ASB5: variants seen among roughly 807,000 people sequenced by gnomAD.
The protein encoded by ASB5 is ankyrin repeat and SOCS box containing 5.
A neutral mutation model predicts 42.1 loss-of-function variants in ASB5; 45 were observed. That is an observed-to-expected ratio of 1.07 (90% CI 0.84 to 1.37). ASB5 has a LOEUF of 1.37. ASB5 is among the 40% of genes most tolerant of loss of function. The pLI is 0.00. For missense variants in ASB5, 402 were observed against 399.8 expected, an observed-to-expected ratio of 1.01 and a Z score of -0.05; for synonymous variants, 147 against 150.6, an observed-to-expected ratio of 0.98 and a Z score of 0.18.
At chr4:176,241,167 G>A (rs892729500) in intron 1 of ASB5, among the ~76,000 whole-genome samples, 1 of 151,972 alleles carries the variant, frequency 6.6e-6, no homozygotes, top group African/African-American at 2.4e-5. Context: ...CGCAAAAACA[G>A]CAATACTATA....
chr4:176,224,488 G>A (rs541485830), intron 2 of ASB5, among the ~76,000 whole-genome samples: 4 of 151,672 alleles, frequency 2.6e-5, no homozygotes, highest in Non-Finnish European at 5.9e-5. Flanking sequence ...ACATGCCTCC[G>A]CCTCCCAAAG....
At position 176,215,296 on chromosome 4, in the gene ASB5, T is replaced by C. The variant is rs1023283136; in HGVS notation, c.*304A>G. Reference sequence around the variant, plus strand: ...AATATGAATAACTTTACTAGGAGCTTTATTTCTTTCCAATCCAAAAGAAAA... The same window carrying C: ...AATATGAATAACTTTACTAGGAGCTCTATTTCTTTCCAATCCAAAAGAAAA... On this transcript the variant is annotated 3_prime_UTR_variant, in exon 7 of 7. Coordinates refer to ENST00000296525, the MANE Select transcript of ASB5 (RefSeq NM_080874.4). The C allele has an allele frequency of 5.4e-6, 1 of 184,200 alleles. No homozygotes were observed. The highest frequency in any genetic ancestry group is 2.3e-5 in the African/African-American group (1 of 42,624). The allele number at this position is 184,200 out of a possible 1,614,324, so 11.4% of individuals were successfully genotyped here.
At chr4:176,222,163 A>G in intron 3 of ASB5, 150 bp downstream of exon 3, 1 of 694,232 alleles carries the variant, frequency 1.4e-6, no homozygotes, top group Non-Finnish European at 2.4e-6. Flanking sequence ...TTAGAGTGCA[A>G]TAAGAAGACT....
At position 176,269,028 on chromosome 4, in the gene ASB5, A is replaced by T; in HGVS notation, c.81T>A (p.Phe27Leu). 1 of 1,613,708 alleles carries T rather than the reference A, an allele frequency of 6.2e-7. No individual in the cohort carries two copies. Among genetic ancestry groups the T allele is most frequent in the Non-Finnish European group, 8.5e-7 (1 of 1,179,748 alleles). ...VYFTILSLFCFKLFVKISLAI... is the reference protein window; with the variant it reads ...VYFTILSLFCLKLFVKISLAI... ...CAAGGCTGATTTTCACAAAAAGCTTAAAACAGAACAGCGAAAGTATTGTAA... is the reference window on the plus strand; with the variant it reads ...CAAGGCTGATTTTCACAAAAAGCTTTAAACAGAACAGCGAAAGTATTGTAA... Residue 27 changes from phenylalanine (F) to leucine (L), a missense_variant, in exon 1 of 7, where the codon TTT becomes TTA. Coordinates refer to ENST00000296525, the MANE Select transcript of ASB5 (RefSeq NM_080874.4).
At chr4:176,221,986 T>C (rs1189627649) in intron 3 of ASB5, among the ~76,000 whole-genome samples, 1 of 152,174 alleles carries the variant, frequency 6.6e-6, no homozygotes, top group African/African-American at 2.4e-5. Context: ...TAGTTCTATT[T>C]CTGAGACTTT....
chr4:176,263,475 G>T (rs1754301238), intron 1 of ASB5, among the ~76,000 whole-genome samples: 1 of 151,912 alleles, frequency 6.6e-6, no homozygotes, highest in Non-Finnish European at 1.5e-5. Flanking sequence ...AAAAAGTAGA[G>T]CTTGGACAAA....
intron 1 of ASB5, 70 bp downstream of exon 1, chr4:176,268,843 A>G (rs1754412455): frequency 7.8e-7 from 1 of 1,287,708 alleles, no homozygotes; most frequent in Non-Finnish European, 1.0e-6. Flanking sequence ...TCTAAAAAGA[A>G]AACATGTAAT....
At chr4:176,235,999 G>A (rs1753675109) in intron 1 of ASB5, among the ~76,000 whole-genome samples, 1 of 151,874 alleles carries the variant, frequency 6.6e-6, no homozygotes. Flanking sequence ...ACAGGTATGT[G>A]CCACTGGGCC....
intron 1 of ASB5, among the ~76,000 whole-genome samples, chr4:176,233,608 G>A (rs887194886): frequency 3.3e-5 from 5 of 152,246 alleles, no homozygotes; most frequent in South Asian, 2.1e-4. Flanking sequence ...AGTGTTTCGT[G>A]TGCTTCTTTG....
At chr4:176,231,225 ATTT>A (rs35699083) in intron 1 of ASB5, among the ~76,000 whole-genome samples, 30,340 of 149,612 alleles carry the variant, frequency 0.2, 3,083 homozygotes, top group East Asian at 0.25. Context: ...CCGACTCATA[ATTT>A]TTTTTTTTTT....
At chr4:176,267,229 T>A (rs547898746) in intron 1 of ASB5, among the ~76,000 whole-genome samples, 5 of 152,362 alleles carry the variant, frequency 3.3e-5, no homozygotes, top group African/African-American at 1.2e-4. Flanking sequence ...GCTTTTGTTT[T>A]AAAATTTAGT....
chr4:176,270,220 A>G (rs1754442427), upstream of ASB5, among the ~76,000 whole-genome samples: 1 of 152,216 alleles, frequency 6.6e-6, no homozygotes, highest in Admixed American at 6.5e-5. Context: ...ACATATTTCT[A>G]TGACTGGGTT....
intron 1 of ASB5, among the ~76,000 whole-genome samples, chr4:176,253,724 G>A (rs1218384706): frequency 6.6e-6 from 1 of 152,160 alleles, no homozygotes; most frequent in African/African-American, 2.4e-5. Context: ...AAAATCAGCA[G>A]CATTTCTATA....
At chr4:176,220,669 T>C (rs1253200831) in intron 5 of ASB5, among the ~76,000 whole-genome samples, 1 of 152,166 alleles carries the variant, frequency 6.6e-6, no homozygotes, top group African/African-American at 2.4e-5. Flanking sequence ...AAAAGGGCAG[T>C]AAGTCTTTTC....
chr4:176,260,353 C>G (rs928586264), intron 1 of ASB5, among the ~76,000 whole-genome samples: 11 of 152,102 alleles, frequency 7.2e-5, no homozygotes, highest in Admixed American at 6.5e-5. Flanking sequence ...TTTTAAAATC[C>G]TTTTCCATGG....
intron 5 of ASB5, among the ~76,000 whole-genome samples, chr4:176,219,618 A>ATATATATATAT (rs1753142579): frequency 1.6e-5 from 2 of 122,606 alleles, no homozygotes; most frequent in African/African-American, 3.3e-5. Context: ...ATATATATAT[A>ATATATATATAT]GGCTGGAGTA....
chr4:176,219,584 ATAT>A (rs1561251286), intron 5 of ASB5, among the ~76,000 whole-genome samples: 1,200 of 49,028 alleles, frequency 0.024, 328 homozygotes, highest in African/African-American at 0.07. Flanking sequence ...TGATATATAT[ATAT>A]ATATATATAT....
intron 1 of ASB5, among the ~76,000 whole-genome samples, chr4:176,261,484 G>A (rs1044723456): frequency 3.3e-5 from 5 of 152,050 alleles, no homozygotes; most frequent in Admixed American, 6.6e-5. Context: ...CTCAACTTAC[G>A]TTTCTTCATC....
chr4:176,250,453 A>T (rs972588835), intron 1 of ASB5, among the ~76,000 whole-genome samples: 1 of 152,234 alleles, frequency 6.6e-6, no homozygotes, highest in Non-Finnish European at 1.5e-5. Flanking sequence ...TGTGCTGGCA[A>T]AGTGTGGGCT....
Sources: allele counts gnomAD v4.1 joint callset (sites outside exome capture counted in the v4.1 genomes callset), GRCh38; gene constraint gnomAD v4.1.1; transcripts MANE v1.5; gene names NCBI Gene and HGNC (gene_info 2026-07-23, HGNC 2026-07-21).